The following FAM151B variants were observed in gnomAD, a reference collection of about 807,000 sequenced individuals.
The protein encoded by FAM151B is family with sequence similarity 151 member B, also known as protein FAM151B.
In FAM151B, 24 loss-of-function variants were observed where a neutral mutation model predicts 31.2. That is an observed-to-expected ratio of 0.77 (90% CI 0.56 to 1.08). The LOEUF (loss-of-function observed/expected upper bound fraction) is 1.08. Ranked by LOEUF, FAM151B falls within the 50% of genes least tolerant of loss-of-function variation. FAM151B has a pLI of 0.00. For missense variants in FAM151B, 293 were observed against 328.6 expected (o/e 0.89, Z 0.84); for synonymous variants, 105 against 111.4 (o/e 0.94, Z 0.36).
At chr5:80,489,690 C>G (rs963319116) in intron 1 of FAM151B, among the ~76,000 whole-genome samples, 5 of 152,044 alleles carry the variant, frequency 3.3e-5, no homozygotes. Context: ...TTTGGGAGGC[C>G]GAGGTGGGCG....
intron 5 of FAM151B, among the ~76,000 whole-genome samples, chr5:80,538,450 C>CTCTTTCTTTCTTTCTTTCTCTTTCTTTG (rs1745663479): frequency 1.4e-5 from 1 of 69,926 alleles, no homozygotes; most frequent in African/African-American, 5.9e-5. Context: ...CTTTCTTTCT[C>CTCTTTCTTTCTTTCTTTCTCTTTCTTTG]TTTCTTTCTT....
At position 80,538,483 on chromosome 5, in the gene FAM151B, T is replaced by TTTCTTTCTTTCTTTCTTTCTTTCTTTCC. The variant is rs1554059092; in HGVS notation, c.672-3187_672-3186insTTTCTTTCTTTCTTTCTTTCTTTCCTTC. Among the ~76,000 whole-genome samples the TTTCTTTCTTTCTTTCTTTCTTTCTTTCC allele has an allele frequency of 6.9e-5, 7 of 101,024 alleles. 1 individual carries two copies. Among genetic ancestry groups the TTTCTTTCTTTCTTTCTTTCTTTCTTTCC allele is most frequent in the African/African-American group, 2.9e-4 (7 of 24,340 alleles). 66.3% of individuals were successfully genotyped at this position (101,024 alleles called of 152,430 possible). ...CTTTCTTTCTTTCTTTCTTTCTTTC[T>TTTCTTTCTTTCTTTCTTTCTTTCTTTCC]TTCCTTCCTTCCTTCCTTTCTTTTC... On this transcript the variant is annotated intron_variant, in intron 5 of 5. Coordinates refer to ENST00000282226, the MANE Select transcript of FAM151B (RefSeq NM_205548.3).
intron 2 of FAM151B, among the ~76,000 whole-genome samples, chr5:80,508,704 G>T (rs1477895806): frequency 1.3e-5 from 2 of 151,956 alleles, no homozygotes; most frequent in African/African-American, 4.8e-5. Context: ...AAATATAGTG[G>T]GCTTTTAATA....
chr5:80,522,350 T>C (rs944321708), intron 5 of FAM151B: 2 of 422,844 alleles, frequency 4.7e-6, no homozygotes, highest in Non-Finnish European at 8.1e-6. Flanking sequence ...TTTACCCCTA[T>C]TCCTCACAAA....
chr5:80,512,331 G>A (rs1477587136), intron 2 of FAM151B, among the ~76,000 whole-genome samples: 1 of 152,172 alleles, frequency 6.6e-6, no homozygotes, highest in Non-Finnish European at 1.5e-5. Context: ...TATGATTACA[G>A]TTCATTTGCT....
intron 1 of FAM151B, among the ~76,000 whole-genome samples, chr5:80,494,472 C>CTTTCTTTCTTTCTTTATTTATTTA (rs1561359221): frequency 8.0e-5 from 7 of 87,654 alleles, no homozygotes; most frequent in African/African-American, 2.7e-4. Flanking sequence ...TTCTTTCTTT[C>CTTTCTTTCTTTCTTTATTTATTTA]TTTCTTTCTT....
chr5:80,536,763 G>T (rs1354479007), intron 5 of FAM151B, among the ~76,000 whole-genome samples: 2 of 152,180 alleles, frequency 1.3e-5, no homozygotes, highest in Non-Finnish European at 2.9e-5. Context: ...GGGTGGAACT[G>T]GAGATCATTA....
intron 3 of FAM151B, among the ~76,000 whole-genome samples, chr5:80,516,524 A>G (rs896389): frequency 0.091 from 13,789 of 152,282 alleles, 814 homozygotes; most frequent in African/African-American, 0.16. Context: ...AGTTTGATTT[A>G]CAAATAACTT....
chr5:80,500,907 G>T (rs1216526158), intron 1 of FAM151B: 2 of 778,732 alleles, frequency 2.6e-6, no homozygotes, highest in Non-Finnish European at 4.6e-6. Flanking sequence ...TGATTCATGA[G>T]ATCTATACTG....
intron 3 of FAM151B, chr5:80,518,725 C>G (rs1744573101): frequency 6.6e-6 from 1 of 152,060 alleles, no homozygotes; most frequent in South Asian, 2.1e-4. Flanking sequence ...GTAAACATAA[C>G]CCAATAAATA....
rs1743701257 is a variant in FAM151B at position 80,500,461 on chromosome 5, G to A, written c.26-1331G>A. The A allele has an allele frequency of 5.7e-6, 5 of 883,198 alleles. No homozygotes were observed. The Admixed American group carries it at 8.6e-5, about 15-fold the overall frequency. The allele number at this position is 883,198 out of a possible 1,614,324, so 54.7% of individuals were successfully genotyped here. A position where few individuals can be genotyped will look rare whatever the true frequency, so the allele number is the denominator to read the frequency against. On this transcript the variant is annotated intron_variant, in intron 1 of 5. Coordinates refer to ENST00000282226, the MANE Select transcript of FAM151B (RefSeq NM_205548.3). ...AGTTTACCCAAAAGATGCTTTGAAA[G>A]GCAAGGAGGAAGCTTATCTGTGAAA...
At chr5:80,488,288 C>T (rs1040524544) in intron 1 of FAM151B, 140 bp downstream of exon 1, 5 of 1,122,234 alleles carry the variant, frequency 4.5e-6, no homozygotes. Flanking sequence ...GGCGGCTGGG[C>T]TTGGAGCCCG....
intron 5 of FAM151B, among the ~76,000 whole-genome samples, chr5:80,535,913 A>G (rs1745480233): frequency 6.6e-6 from 1 of 152,230 alleles, no homozygotes; most frequent in South Asian, 2.1e-4. Flanking sequence ...ATCTGATCTT[A>G]AAATGGGCAA....
At chr5:80,535,792 T>A (rs1745471952) in intron 5 of FAM151B, among the ~76,000 whole-genome samples, 1 of 151,996 alleles carries the variant, frequency 6.6e-6, no homozygotes, top group Admixed American at 6.6e-5. Context: ...GTCAACAAAG[T>A]GAAGAAACAA....
chr5:80,530,469 T>C (rs897326042), intron 5 of FAM151B, among the ~76,000 whole-genome samples: 4 of 152,298 alleles, frequency 2.6e-5, no homozygotes, highest in Middle Eastern at 3.4e-3. Flanking sequence ...GATGACATGA[T>C]TGTATATTTA....
At chr5:80,506,167 T>A (rs535601075) in intron 2 of FAM151B, 6 of 957,124 alleles carry the variant, frequency 6.3e-6, no homozygotes, top group Middle Eastern at 5.3e-4. Context: ...GCACTTGAAG[T>A]TTTCCTGATG....
chr5:80,533,554 C>T (rs1452007058), intron 5 of FAM151B, among the ~76,000 whole-genome samples: 3 of 151,834 alleles, frequency 2.0e-5, no homozygotes, highest in African/African-American at 7.2e-5. Flanking sequence ...GAGTTTGAGA[C>T]CAGCCTGACC....
intron 2 of FAM151B, among the ~76,000 whole-genome samples, chr5:80,512,087 C>G (rs918005647): frequency 2.0e-5 from 3 of 152,114 alleles, no homozygotes; most frequent in African/African-American, 7.2e-5. Flanking sequence ...ACAACATTGA[C>G]TTTGTGTGTA....
In FAM151B at chr5:80,520,813, GT is replaced by G. The variant is rs1327482360; in HGVS notation, c.535+917del. ...AACAAGCAAGTGTGTTTTCCATGTG[GT>G]TTTTTTTTTTTTTAAATAGAGTCTT... On this transcript the variant is annotated intron_variant, in intron 4 of 5. Coordinates refer to ENST00000282226, the MANE Select transcript of FAM151B (RefSeq NM_205548.3). 3.5e-3 allele frequency among the ~76,000 whole-genome samples: 457 copies of G among 132,242 alleles called. 1 individual carries two copies. The highest frequency in any genetic ancestry group is 1.0e-2 in the African/African-American group (365 of 36,560). 86.8% of individuals were successfully genotyped at this position (132,242 alleles called of 152,430 possible).
Sources: gnomAD v4.1 joint callset for allele counts (sites outside exome capture counted in the v4.1 genomes callset) on GRCh38, gnomAD v4.1.1 for gene constraint, MANE v1.5 for transcripts, NCBI Gene and HGNC (gene_info 2026-07-23, HGNC 2026-07-21) for gene names.